The following TCEA1 variants were observed in gnomAD, a reference collection of about 807,000 sequenced individuals.
TCEA1 encodes transcription elongation factor A protein 1.
Under a neutral mutation model 43.8 loss-of-function variants are expected in TCEA1, and 21 were observed. The observed-to-expected ratio is 0.48, with a 90% CI of 0.34 to 0.69. The LOEUF is 0.69. Among genes scored for constraint, TCEA1 ranks in the 30% least tolerant of loss-of-function variants. The pLI, the probability that TCEA1 is intolerant of heterozygous loss-of-function variation, is 0.01. For missense variants in TCEA1, 250 were observed against 365.1 expected, an observed-to-expected ratio of 0.68 and a Z score of 2.57; for synonymous variants, 104 against 117.5, an observed-to-expected ratio of 0.88 and a Z score of 0.75.
intron 1 of TCEA1, chr8:54,021,822 T>A (rs1805043785): frequency 7.9e-6 from 3 of 381,476 alleles, no homozygotes; most frequent in Middle Eastern, 1.4e-3. Context: ...CGATTAGGTT[T>A]ATTACACGGC....
intron 2 of TCEA1, 97 bp from the exon 3 acceptor site, chr8:54,000,147 A>G (rs184179296): frequency 1.2e-6 from 1 of 800,540 alleles, no homozygotes; most frequent in Non-Finnish European, 1.9e-6. Context: ...TCCTGTTTCT[A>G]TTTTAGAATT....
chr8:53,969,271 C>T (rs1803083801), intron 9 of TCEA1, among the ~76,000 whole-genome samples: 1 of 152,110 alleles, frequency 6.6e-6, no homozygotes, highest in South Asian at 2.1e-4. Flanking sequence ...GCCTGGGCAA[C>T]ACAGTGAGGA....
chr8:53,980,486 T>C lies in TCEA1; in HGVS notation c.679-1315A>G, dbSNP rs113582377. ...CATTTCATGTCTCTGTGTCACATCTTGGTAATTCTCACAATATTCCAAGCA... is the reference window on the plus strand; with the variant it reads ...CATTTCATGTCTCTGTGTCACATCTCGGTAATTCTCACAATATTCCAAGCA... On this transcript the variant is annotated intron_variant, in intron 7 of 9. Coordinates refer to ENST00000521604, the MANE Select transcript of TCEA1 (RefSeq NM_006756.4). Among the ~76,000 whole-genome samples the C allele has an allele frequency of 2.6e-5, 4 of 152,378 alleles. 1 individual carries two copies. Among genetic ancestry groups the C allele is most frequent in the African/African-American group, 7.2e-5 (3 of 41,600 alleles).
At chr8:53,986,266 G>A (rs1368790313) in intron 6 of TCEA1, among the ~76,000 whole-genome samples, 1 of 152,094 alleles carries the variant, frequency 6.6e-6, no homozygotes, top group East Asian at 1.9e-4. Flanking sequence ...CACCTGCCTG[G>A]TCCTAGAGGA....
At chr8:54,017,101 T>C (rs912982418) in intron 1 of TCEA1, among the ~76,000 whole-genome samples, 49 of 151,552 alleles carry the variant, frequency 3.2e-4, no homozygotes, top group African/African-American at 9.9e-4. Flanking sequence ...ACAGAAAGTA[T>C]ATTAGTGGCT....
At chr8:54,006,880 C>A (rs1197803493) in intron 2 of TCEA1, among the ~76,000 whole-genome samples, 1 of 152,158 alleles carries the variant, frequency 6.6e-6, no homozygotes, top group Non-Finnish European at 1.5e-5. Flanking sequence ...CTCTGTTGCC[C>A]AGGCTGGGGT....
Position 53,992,049 on chromosome 8 carries a change from C to T in TCEA1, c.320+1619G>A, listed in dbSNP as rs1367744748. On this transcript the variant is annotated intron_variant, in intron 4 of 9. Transcript: ENST00000521604. ...AACACGGGCTGGGTGCAGTGGCTTA[C>T]GCCTATAATCCCAGCACTTTGGGAG... 2.0e-5 allele frequency among the ~76,000 whole-genome samples: 3 copies of T among 151,902 alleles called. 1 individual carries two copies. The highest frequency in any genetic ancestry group is 4.1e-4 in the South Asian group (2 of 4,824).
chr8:54,018,518 A>T (rs1384044067), intron 1 of TCEA1, among the ~76,000 whole-genome samples: 2 of 152,240 alleles, frequency 1.3e-5, no homozygotes, highest in African/African-American at 4.8e-5. Context: ...GTGATGACAA[A>T]GAACTTGCCT....
intron 1 of TCEA1, among the ~76,000 whole-genome samples, chr8:54,016,190 T>C (rs1804817819): frequency 1.3e-5 from 2 of 152,174 alleles, no homozygotes; most frequent in Admixed American, 1.3e-4. Context: ...AATGAAAACA[T>C]ATGTCGCCAG....
intron 1 of TCEA1, among the ~76,000 whole-genome samples, chr8:54,018,075 T>C (rs765472998): frequency 6.6e-6 from 1 of 152,226 alleles, no homozygotes; most frequent in African/African-American, 2.4e-5. Context: ...GTATAGTCAT[T>C]CTAAATTTTG....
At chr8:53,979,634 T>C (rs1167030372) in intron 7 of TCEA1, among the ~76,000 whole-genome samples, 1 of 152,224 alleles carries the variant, frequency 6.6e-6, no homozygotes, top group Non-Finnish European at 1.5e-5. Context: ...TTAAGACTAA[T>C]GAAATGCCAG....
intron 8 of TCEA1, among the ~76,000 whole-genome samples, chr8:53,976,923 C>CA (rs1803349729): frequency 6.6e-6 from 1 of 152,158 alleles, no homozygotes. Flanking sequence ...TAAAGGACTT[C>CA]AGACTAGTTA....
Position 53,993,700 on chromosome 8 carries a change from T to A in TCEA1, c.288A>T (p.Thr96=). ...CTCTTGCCTCAGGGCTGTTCTGCGATGTAATTGCAGGTTCTTTCTTCTTTT... is the reference window on the plus strand; with the variant it reads ...CTCTTGCCTCAGGGCTGTTCTGCGAAGTAATTGCAGGTTCTTTCTTCTTTT... ...LDEKKKEPAI[T]SQNSPEAREE... is the part of the protein sequence containing the mutation. The change falls in exon 4 of 10, where the codon ACA becomes ACT. Residue 96 remains threonine (T), a synonymous_variant. Transcript: ENST00000521604. 6.2e-7 allele frequency: 1 copy of A among 1,613,858 alleles called. No individual in the cohort carries two copies. The highest frequency in any genetic ancestry group is 8.5e-7 in the Non-Finnish European group (1 of 1,179,828).
chr8:54,016,483 A>G (rs1408544023), intron 1 of TCEA1, among the ~76,000 whole-genome samples: 1 of 152,106 alleles, frequency 6.6e-6, no homozygotes, highest in Non-Finnish European at 1.5e-5. Flanking sequence ...TGTTTTTAAC[A>G]GTATTATTCA....
intron 3 of TCEA1, among the ~76,000 whole-genome samples, chr8:53,996,469 C>T (rs1804054675): frequency 6.6e-6 from 1 of 152,190 alleles, no homozygotes. Flanking sequence ...TAATACAGGT[C>T]AATGCTTGGC....
intron 2 of TCEA1, among the ~76,000 whole-genome samples, chr8:54,006,250 T>G (rs1185831203): frequency 1.3e-5 from 2 of 152,214 alleles, no homozygotes; most frequent in East Asian, 3.8e-4. Flanking sequence ...CTACTAGAAT[T>G]TAAGTTCAAT....
intron 8 of TCEA1, chr8:53,973,792 A>G (rs920421118): frequency 2.3e-6 from 1 of 426,946 alleles, no homozygotes; most frequent in Non-Finnish European, 4.5e-6. Flanking sequence ...TCAGATCCCA[A>G]TTTCAAGAAA....
intron 4 of TCEA1, among the ~76,000 whole-genome samples, chr8:53,990,051 T>C (rs751423530): frequency 3.3e-5 from 5 of 152,128 alleles, no homozygotes; most frequent in African/African-American, 7.2e-5. Flanking sequence ...TTTTAAAAAT[T>C]TGCCAAACAT....
chr8:54,020,885 TTA>T (rs1197716258), intron 1 of TCEA1, among the ~76,000 whole-genome samples: 1 of 152,040 alleles, frequency 6.6e-6, no homozygotes, highest in Non-Finnish European at 1.5e-5. Flanking sequence ...GTGAGGACAA[TTA>T]TATAAGTTTA....
Sources: allele counts gnomAD v4.1 joint callset (sites outside exome capture counted in the v4.1 genomes callset), GRCh38; gene constraint gnomAD v4.1.1; transcripts MANE v1.5; gene names NCBI Gene and HGNC (gene_info 2026-07-23, HGNC 2026-07-21).